SLC25A12: variants seen among roughly 807,000 people sequenced by gnomAD.
SLC25A12 encodes electrogenic aspartate/glutamate antiporter SLC25A12, mitochondrial.
A neutral mutation model predicts 83.3 loss-of-function variants in SLC25A12; 32 were observed. The ratio of observed to expected loss-of-function variants is 0.38; its 90% CI spans 0.29 to 0.52. The LOEUF (loss-of-function observed/expected upper bound fraction) is 0.52. Among genes scored for constraint, SLC25A12 ranks in the 20% least tolerant of loss-of-function variants. The pLI, the probability that SLC25A12 is intolerant of heterozygous loss-of-function variation, is 0.84. For missense variants in SLC25A12, 611 were observed against 835.6 expected (o/e 0.73, Z 3.31); for synonymous variants, 267 against 291.1 (o/e 0.92, Z 0.84).
chr2:171,883,266 T>C (rs901376754), intron 2 of SLC25A12, among the ~76,000 whole-genome samples: 3 of 152,180 alleles, frequency 2.0e-5, no homozygotes, highest in East Asian at 1.9e-4. Context: ...ATAGTTTACA[T>C]GTTATTTTAT....
intron 4 of SLC25A12, among the ~76,000 whole-genome samples, chr2:171,846,140 G>T (rs1260732712): frequency 1.3e-5 from 2 of 152,050 alleles, no homozygotes; most frequent in Non-Finnish European, 1.5e-5. Flanking sequence ...TAATTAATTA[G>T]CTGTTTCTAG....
intron 2 of SLC25A12, among the ~76,000 whole-genome samples, chr2:171,870,532 G>T (rs1249319182): frequency 6.6e-6 from 1 of 152,024 alleles, no homozygotes; most frequent in Non-Finnish European, 1.5e-5. Flanking sequence ...GAGCTGGGAG[G>T]ATTGCTTGAG....
chr2:171,877,683 A>T (rs1685600542), intron 2 of SLC25A12, among the ~76,000 whole-genome samples: 1 of 152,004 alleles, frequency 6.6e-6, no homozygotes, highest in South Asian at 2.1e-4. Context: ...AAAAAAAAAA[A>T]AAAAAAGGAT....
intron 9 of SLC25A12, among the ~76,000 whole-genome samples, chr2:171,824,750 T>C (rs1684263563): frequency 6.6e-6 from 1 of 151,786 alleles, no homozygotes. Flanking sequence ...AATCACTGAA[T>C]TGAAATAAAT....
intron 3 of SLC25A12, among the ~76,000 whole-genome samples, chr2:171,866,729 C>T (rs1356924550): frequency 2.1e-5 from 3 of 141,360 alleles, no homozygotes; most frequent in African/African-American, 8.0e-5. Flanking sequence ...AGGCGCCCCT[C>T]ACCTCCCGGA....
intron 13 of SLC25A12, 127 bp from the exon 14 acceptor site, chr2:171,793,894 T>G: frequency 9.2e-7 from 1 of 1,081,484 alleles, no homozygotes; most frequent in South Asian, 1.3e-5. Flanking sequence ...ACTTCCTTCC[T>G]CAGGGGGGAA....
intron 13 of SLC25A12, among the ~76,000 whole-genome samples, chr2:171,804,885 C>A (rs928786552): frequency 1.3e-5 from 2 of 152,090 alleles, no homozygotes; most frequent in Non-Finnish European, 1.5e-5. Flanking sequence ...CCTGCCTGGG[C>A]AATACAGTTG....
chr2:171,849,357 C>T (rs577790860), intron 4 of SLC25A12, among the ~76,000 whole-genome samples: 3 of 142,816 alleles, frequency 2.1e-5, no homozygotes, highest in Non-Finnish European at 4.6e-5. Flanking sequence ...AAAAAAAAAG[C>T]AAAAAACAAA....
chr2:171,853,368 CAGA>C (rs985895539), intron 4 of SLC25A12, among the ~76,000 whole-genome samples: 16 of 152,124 alleles, frequency 1.1e-4, no homozygotes, highest in Admixed American at 8.5e-4. Context: ...GAAAGAAAAA[CAGA>C]AGACCTATAA....
chr2:171,788,173 C>G, intron 15 of SLC25A12: 1 of 525,382 alleles, frequency 1.9e-6, no homozygotes, highest in Non-Finnish European at 3.4e-6. Flanking sequence ...AAAAAAAAAT[C>G]ACTCTACATT....
intron 3 of SLC25A12, among the ~76,000 whole-genome samples, chr2:171,866,816 A>T (rs1176571700): frequency 8.1e-6 from 1 of 123,924 alleles, no homozygotes; most frequent in South Asian, 2.8e-4. Flanking sequence ...GCGGGGGCTG[A>T]CCCCCACCTC....
chr2:171,845,655 A>G (rs1050595183), intron 4 of SLC25A12: 2 of 255,772 alleles, frequency 7.8e-6, no homozygotes, highest in African/African-American at 4.6e-5. Context: ...TTTTATATAC[A>G]TACACTTTTT....
At chr2:171,882,667 A>G (rs1361001449) in intron 2 of SLC25A12, among the ~76,000 whole-genome samples, 1 of 152,386 alleles carries the variant, frequency 6.6e-6, no homozygotes, top group South Asian at 2.1e-4. Flanking sequence ...GTACTGACTA[A>G]TATTTTCAAA....
chr2:171,792,720 G>A (rs943853394), intron 14 of SLC25A12, among the ~76,000 whole-genome samples: 7 of 152,058 alleles, frequency 4.6e-5, no homozygotes, highest in Admixed American at 2.0e-4. Flanking sequence ...AATTCAAAAA[G>A]GATGGAAATT....
At chr2:171,840,794 A>C (rs1286772309) in intron 5 of SLC25A12, among the ~76,000 whole-genome samples, 1 of 152,168 alleles carries the variant, frequency 6.6e-6, no homozygotes, top group Non-Finnish European at 1.5e-5. Flanking sequence ...AAGCCCAATG[A>C]ATGAAGAGCC....
At chr2:171,793,976 C>T (rs894299495) in intron 13 of SLC25A12, among the ~76,000 whole-genome samples, 2 of 152,204 alleles carry the variant, frequency 1.3e-5, no homozygotes, top group Admixed American at 1.3e-4. Context: ...TCAGATCAAT[C>T]TACCTCTGGG....
At chr2:171,841,192 G>C (rs1361816329) in intron 5 of SLC25A12, among the ~76,000 whole-genome samples, 1 of 152,124 alleles carries the variant, frequency 6.6e-6, no homozygotes, top group East Asian at 1.9e-4. Context: ...AGATTCTCCT[G>C]CCTCAGCCTC....
intron 11 of SLC25A12, 39 bp downstream of exon 11, chr2:171,813,300 C>A (rs1683985264): frequency 6.2e-7 from 1 of 1,611,386 alleles, no homozygotes; most frequent in Non-Finnish European, 8.5e-7. Flanking sequence ...CTGGTGAGAT[C>A]AAATCACTAA....
At chr2:171,820,736 A>C (rs1684171823) in intron 9 of SLC25A12, among the ~76,000 whole-genome samples, 1 of 151,300 alleles carries the variant, frequency 6.6e-6, no homozygotes, top group Non-Finnish European at 1.5e-5. Flanking sequence ...TCAAAAAAAA[A>C]AAAAAAAAGA....
Sources: gnomAD v4.1 joint callset for allele counts (sites outside exome capture counted in the v4.1 genomes callset) on GRCh38, gnomAD v4.1.1 for gene constraint, MANE v1.5 for transcripts, NCBI Gene and HGNC (gene_info 2026-07-23, HGNC 2026-07-21) for gene names.